Variants in CLN8 observed in about 807,000 individuals in gnomAD.
CLN8 encodes CLN8 transmembrane ER and ERGIC protein.
Under a neutral mutation model 15.7 loss-of-function variants are expected in CLN8, and 14 were observed. The observed-to-expected ratio is 0.89, with a 90% confidence interval of 0.59 to 1.39. The LOEUF is 1.39. Among genes scored for constraint, CLN8 ranks in the 40% most tolerant of loss-of-function variants. The pLI is 0.00. For missense variants in CLN8, 415 were observed against 364.0 expected, an observed-to-expected ratio of 1.14 and a Z score of -1.14; for synonymous variants, 188 against 151.0, an observed-to-expected ratio of 1.25 and a Z score of -1.80.
intron 1 of CLN8, among the ~76,000 whole-genome samples, chr8:1,768,480 G>T (rs1585133273): frequency 6.6e-6 from 1 of 152,346 alleles, no homozygotes; most frequent in East Asian, 1.9e-4. Context: ...AGGTCCTACA[G>T]AAGTTAGTGG....
In CLN8 at chr8:1,781,203, C is replaced by G. The variant is rs972834638; in HGVS notation, c.*636C>G. 6.6e-6 allele frequency: 1 copy of G among 152,184 alleles called. No homozygotes were observed. The highest frequency in any genetic ancestry group is 1.5e-5 in the Non-Finnish European group (1 of 68,294). 9.4% of individuals were successfully genotyped at this position (152,184 alleles called of 1,614,324 possible). On this transcript the variant is annotated 3_prime_UTR_variant, in exon 3 of 3. Transcript: ENST00000331222. ...TGAAACCCCATCTCTACTAAAATTA[C>G]AAAAATTAGCCGGGTGTCGTGGCAC...
chr8:1,780,582 G>A lies in CLN8; in HGVS notation c.*15G>A. 6.2e-7 allele frequency: 1 copy of A among 1,610,620 alleles called. No homozygotes were observed. Among genetic ancestry groups the A allele is most frequent in the African/African-American group, 1.3e-5 (1 of 75,020 alleles). ...AGAGGCCATAGCTGCTCCAGCCGGG[G>A]CTCCGGGGCGGCAGCAGAGCTGGCA... On this transcript the variant is annotated 3_prime_UTR_variant, in exon 3 of 3. Transcript: ENST00000331222.
Position 1,785,425 on chromosome 8 carries a change from C to G in CLN8, c.*4858C>G, listed in dbSNP as rs1801808046. 2 of 25,248 alleles carry G rather than the reference C, an allele frequency of 7.9e-5. No homozygotes were observed. Among genetic ancestry groups the G allele is most frequent in the Admixed American group, 8.8e-4 (2 of 2,268 alleles). The allele number at this position is 25,248 out of a possible 1,614,324, so 1.6% of individuals were successfully genotyped here. A position where few individuals can be genotyped will look rare whatever the true frequency, so the allele number is the denominator to read the frequency against. On this transcript the variant is annotated 3_prime_UTR_variant, in exon 3 of 3. Coordinates refer to ENST00000331222, the MANE Select transcript of CLN8 (RefSeq NM_018941.4). The stretch of plus-strand genomic sequence containing the variant: ...GGCGTGGGGTTAGACAGGTACCGGT[C>G]AGATTACGGTGGCACAGGCGGCGTG...
Position 1,781,668 on chromosome 8 carries a change from A to G in CLN8, c.*1101A>G, listed in dbSNP as rs1005008863. The G allele has an allele frequency of 6.6e-6, 1 of 152,024 alleles. No individual in the cohort carries two copies. Among genetic ancestry groups the G allele is most frequent in the Non-Finnish European group, 1.5e-5 (1 of 68,036 alleles). The allele number at this position is 152,024 out of a possible 1,614,324, so 9.4% of individuals were successfully genotyped here. On this transcript the variant is annotated 3_prime_UTR_variant, in exon 3 of 3. Transcript: ENST00000331222. ...TGGGTTTCAGAGCTGTTTTTAATTGACTGAGTTACCTACAGGCACCCAATC... is the reference window on the plus strand; with the variant it reads ...TGGGTTTCAGAGCTGTTTTTAATTGGCTGAGTTACCTACAGGCACCCAATC...
In CLN8 at chr8:1,781,761, C is replaced by T. The variant is rs1414539089; in HGVS notation, c.*1194C>T. ...GACAAGTAGTGATGTCATTTTCTCC[C>T]TGAGCTGTAGGGTGGACCTGGACCC... is the stretch of plus-strand genomic sequence containing the variant. On this transcript the variant is annotated 3_prime_UTR_variant, in exon 3 of 3. Coordinates refer to ENST00000331222, the MANE Select transcript of CLN8 (RefSeq NM_018941.4). The T allele has an allele frequency of 6.6e-6, 1 of 152,130 alleles. No homozygotes were observed. The highest frequency in any genetic ancestry group is 2.4e-5 in the African/African-American group (1 of 41,396). 9.4% of individuals were successfully genotyped at this position (152,130 alleles called of 1,614,324 possible).
chr8:1,766,663 T>C (rs1801073581), intron 1 of CLN8, among the ~76,000 whole-genome samples: 1 of 151,600 alleles, frequency 6.6e-6, no homozygotes, highest in African/African-American at 2.4e-5. Context: ...AGTGCTGGGA[T>C]TACAGGTGTG....
rs945189619 is a variant in CLN8, at chr8:1,781,386, A to G, written c.*819A>G. On this transcript the variant is annotated 3_prime_UTR_variant, in exon 3 of 3. Coordinates refer to ENST00000331222, the MANE Select transcript of CLN8 (RefSeq NM_018941.4). ...CTCTCAAAAAAAAAAAAAAAAAAAAATTCTAGACCGAAGTGTACGGCAGTG... is the reference window on the plus strand; with the variant it reads ...CTCTCAAAAAAAAAAAAAAAAAAAAGTTCTAGACCGAAGTGTACGGCAGTG... 2.8e-5 allele frequency: 4 copies of G among 141,968 alleles called. No homozygotes were observed. The highest frequency in any genetic ancestry group is 8.0e-5 in the African/African-American group (3 of 37,568). 8.8% of individuals were successfully genotyped at this position (141,968 alleles called of 1,614,324 possible).
intron 1 of CLN8, among the ~76,000 whole-genome samples, chr8:1,768,749 C>T (rs1801181390): frequency 1.3e-5 from 2 of 152,176 alleles, no homozygotes; most frequent in Non-Finnish European, 2.9e-5. Context: ...AGTTGATCTG[C>T]TCCTGTGAAG....
upstream of CLN8, among the ~76,000 whole-genome samples, chr8:1,761,040 G>A (rs1250941321): frequency 1.8e-4 from 16 of 90,276 alleles, no homozygotes; most frequent in African/African-American, 6.9e-4. Context: ...TTTTTTTTGA[G>A]ATGGAGTCTT....
chr8:1,769,567 G>T (rs1194309490), intron 1 of CLN8, among the ~76,000 whole-genome samples: 2 of 152,318 alleles, frequency 1.3e-5, no homozygotes, highest in East Asian at 3.9e-4. Flanking sequence ...TGCACACTGG[G>T]TGAGGGGGGA....
intron 1 of CLN8, among the ~76,000 whole-genome samples, chr8:1,766,396 T>G (rs867882213): frequency 1.5e-4 from 23 of 148,774 alleles, no homozygotes; most frequent in African/African-American, 4.5e-4. Context: ...TTTTGTTTTT[T>G]TTTTTTTTTT....
rs570445460 is a variant in CLN8, at chr8:1,756,595, T to A, written c.-124+513T>A. 3.5e-5 allele frequency among the ~76,000 whole-genome samples: 5 copies of A among 144,694 alleles called. No individual in the cohort carries two copies. In the East Asian group the frequency reaches 8.1e-4, roughly 24 times the overall value. The allele number at this position is 144,694 out of a possible 152,430, so 94.9% of individuals were successfully genotyped here. A position where few individuals can be genotyped will look rare whatever the true frequency, so the allele number is the denominator to read the frequency against. On this transcript the variant is annotated intron_variant, in intron 1 of 1. Coordinates refer to the CLN8 transcript ENST00000524258. ...GGGGAGAGGGGAGGCTAGGTTTGAG[T>A]CTATAAATTTGTTCCTAAAATAGTA...
Position 1,784,594 on chromosome 8 carries a change from T to G in CLN8, c.*4027T>G, listed in dbSNP as rs1275275584. ...ATGTGGTTCTCTTCCCATGTCCGAA[T>G]TTTGTGAGCTCCACACGGGCAGGGT... On this transcript the variant is annotated 3_prime_UTR_variant, in exon 3 of 3. Transcript: ENST00000331222. The G allele has an allele frequency of 6.6e-6, 1 of 152,174 alleles. No individual in the cohort carries two copies. The highest frequency in any genetic ancestry group is 1.5e-5 in the Non-Finnish European group (1 of 68,064). 9.4% of individuals were successfully genotyped at this position (152,174 alleles called of 1,614,324 possible).
chr8:1,774,937 C>T (rs923661481), intron 2 of CLN8, among the ~76,000 whole-genome samples: 26 of 152,162 alleles, frequency 1.7e-4, no homozygotes, highest in Admixed American at 4.6e-4. Context: ...GCTGTGATTA[C>T]GCCACTGCAC....
Position 1,783,483 on chromosome 8 carries a change from G to A in CLN8, c.*2916G>A, listed in dbSNP as rs1016045687. On this transcript the variant is annotated 3_prime_UTR_variant, in exon 3 of 3. Coordinates refer to ENST00000331222, the MANE Select transcript of CLN8 (RefSeq NM_018941.4). Reference sequence around the variant, plus strand: ...CTTCAGTGTGATCACTTGTCAGTGCGCTTTCTCTTTCGATAGTGAAATCCT... The same window carrying A: ...CTTCAGTGTGATCACTTGTCAGTGCACTTTCTCTTTCGATAGTGAAATCCT... 4 of 152,226 alleles carry A rather than the reference G, an allele frequency of 2.6e-5. No individual in the cohort carries two copies. The highest frequency in any genetic ancestry group is 1.9e-4 in the East Asian group (1 of 5,190). The allele number at this position is 152,226 out of a possible 1,614,324, so 9.4% of individuals were successfully genotyped here.
In CLN8 at chr8:1,771,218, C is replaced by A; in HGVS notation, c.164C>A (p.Ser55Tyr). 1.2e-6 allele frequency: 2 copies of A among 1,613,952 alleles called. No homozygotes were observed. The highest frequency in any genetic ancestry group is 1.7e-6 in the Non-Finnish European group (2 of 1,179,928). ...TCTTCCCTGAATGCCACTTACCGTT[C>A]TTTGGTGGCCAGAGAGAAGGTCTTC... ...LSSSLNATYR[S>Y]LVAREKVFWD... Residue 55 changes from serine to tyrosine, a missense_variant, in exon 2 of 3, where the codon TCT becomes TAT. By Grantham distance (144) the Ser-to-Tyr change is moderately radical. Transcript: ENST00000331222.
intron 1 of CLN8, among the ~76,000 whole-genome samples, chr8:1,766,383 G>GTTTTT (rs1447639643): frequency 8.3e-6 from 1 of 120,854 alleles, no homozygotes; most frequent in African/African-American, 3.3e-5. Context: ...TCGGCCTCCA[G>GTTTTT]TTTTTTGTTT....
chr8:1,780,510 A>C lies in CLN8; in HGVS notation c.804A>C (p.Pro268=), dbSNP rs746305311. ...CGGTGGACTGGAACTTCGCACAGCC[A>C]GAAGCCAAGAGCAGGCCAGAAGGCA... ...LNPVDWNFAQ[P]EAKSRPEGNG... is the part of the protein sequence containing the mutation. The change falls in exon 3 of 3, where the codon CCA becomes CCC. Residue 268 remains proline (P), a synonymous_variant. Transcript: ENST00000331222. 35 of 1,614,132 alleles carry C rather than the reference A, an allele frequency of 2.2e-5. No individual in the cohort carries two copies. The highest frequency in any genetic ancestry group is 3.0e-5 in the Non-Finnish European group (35 of 1,180,062).
At chr8:1,766,105 C>T (rs935367440) in intron 1 of CLN8, among the ~76,000 whole-genome samples, 2 of 152,228 alleles carry the variant, frequency 1.3e-5, no homozygotes, top group African/African-American at 4.8e-5. Context: ...ACAGAGCTAA[C>T]ACTCTTACTG....
Sources: allele counts gnomAD v4.1 joint callset (sites outside exome capture counted in the v4.1 genomes callset), GRCh38; gene constraint gnomAD v4.1.1; transcripts MANE v1.5; gene names NCBI Gene and HGNC (gene_info 2026-07-23, HGNC 2026-07-21).